Variants in UHRF1 observed in about 807,000 individuals in gnomAD.
The protein encoded by UHRF1 is ubiquitin like with PHD and ring finger domains 1, also known as E3 ubiquitin-protein ligase UHRF1.
UHRF1 carries 9 observed loss-of-function variants against 96.5 expected under a neutral mutation model. The observed-to-expected ratio is 0.09, with a 90% CI of 0.06 to 0.16. The LOEUF (loss-of-function observed/expected upper bound fraction) is 0.16. Among genes scored for constraint, UHRF1 ranks in the 10% least tolerant of loss-of-function variants. UHRF1 has a pLI of 1.00. For synonymous variants in UHRF1, 455 were observed against 469.9 expected (o/e 0.97, Z 0.41); for missense variants, 626 against 1,131.1 (o/e 0.55, Z 6.40).
chr19:4,926,105 A>G (rs2032862250), intron 2 of UHRF1, among the ~76,000 whole-genome samples: 1 of 151,308 alleles, frequency 6.6e-6, no homozygotes. Flanking sequence ...CATGTTGGCC[A>G]GGCTGGTCTT....
chr19:4,911,396 T>C (rs1238545868), intron 2 of UHRF1, among the ~76,000 whole-genome samples: 1 of 152,172 alleles, frequency 6.6e-6, no homozygotes, highest in Non-Finnish European at 1.5e-5. Context: ...GACCATCTGG[T>C]AGCTAGGACG....
At chr19:4,943,127 C>G (rs182377704) in intron 7 of UHRF1, among the ~76,000 whole-genome samples, 3 of 151,570 alleles carry the variant, frequency 2.0e-5, no homozygotes, top group African/African-American at 7.3e-5. Flanking sequence ...GTAATCCCAG[C>G]TACTCGGGAG....
chr19:4,905,281 T>C (rs2032043689), upstream of UHRF1, among the ~76,000 whole-genome samples: 1 of 150,312 alleles, frequency 6.7e-6, no homozygotes, highest in Admixed American at 6.7e-5. Flanking sequence ...CATGCCCGGC[T>C]AATTTTTTTT....
chr19:4,925,654 T>G (rs2032844369), intron 2 of UHRF1, among the ~76,000 whole-genome samples: 1 of 152,024 alleles, frequency 6.6e-6, no homozygotes, highest in African/African-American at 2.4e-5. Context: ...CTGGAGTAGC[T>G]AGGATTACAG....
intron 2 of UHRF1, among the ~76,000 whole-genome samples, chr19:4,919,592 G>A (rs553716875): frequency 7.2e-5 from 11 of 151,922 alleles, no homozygotes; most frequent in South Asian, 2.1e-4. Flanking sequence ...GTGAGCCACC[G>A]CGCCTAGCCC....
At chr19:4,939,210 AC>A (rs2033310684) in intron 5 of UHRF1, among the ~76,000 whole-genome samples, 1 of 129,708 alleles carries the variant, frequency 7.7e-6, no homozygotes, top group Non-Finnish European at 1.6e-5. Context: ...GAGCCACTGC[AC>A]CCGGCCATTT....
chr19:4,905,886 T>C (rs190073908), upstream of UHRF1, among the ~76,000 whole-genome samples: 34 of 152,308 alleles, frequency 2.2e-4, no homozygotes, highest in East Asian at 6.2e-3. Context: ...AGCCAAAAGA[T>C]TGGACACCCC....
intron 5 of UHRF1, among the ~76,000 whole-genome samples, chr19:4,938,618 C>A (rs2033285251): frequency 6.6e-6 from 1 of 151,164 alleles, no homozygotes; most frequent in African/African-American, 2.4e-5. Flanking sequence ...ACCCCCAGAT[C>A]CTGGCTTCAA....
intron 5 of UHRF1, among the ~76,000 whole-genome samples, chr19:4,934,900 G>C (rs573001347): frequency 2.0e-5 from 3 of 152,202 alleles, no homozygotes; most frequent in Admixed American, 6.5e-5. Context: ...TCTCTGCTAG[G>C]CGCATTTCTG....
chr19:4,917,077 G>GGT (rs1167695326), intron 2 of UHRF1, among the ~76,000 whole-genome samples: 32 of 151,652 alleles, frequency 2.1e-4, no homozygotes, highest in African/African-American at 7.7e-4. Context: ...CGGTGGGGGG[G>GGT]GGGGGTGCAG....
At chr19:4,922,640 T>C (rs529970696) in intron 2 of UHRF1, among the ~76,000 whole-genome samples, 3 of 152,330 alleles carry the variant, frequency 2.0e-5, no homozygotes, top group East Asian at 1.9e-4. Context: ...AACTTAACAA[T>C]AACTAAGCTT....
rs138958433 is a variant in UHRF1 at position 4,913,225 on chromosome 19, G to T, written c.153+2187G>T. Among the ~76,000 whole-genome samples the T allele has an allele frequency of 2.0e-4, 29 of 145,844 alleles. 1 individual carries two copies. Among genetic ancestry groups the T allele is most frequent in the African/African-American group, 7.2e-4 (28 of 39,020 alleles). The stretch of plus-strand genomic sequence containing the variant: ...TTTAGTGTGACAATGACAGGAACAC[G>T]TATGTTAATTAGACATGTACATTGT... On this transcript the variant is annotated intron_variant, in intron 2 of 16. Transcript: ENST00000650932.
chr19:4,931,709 C>T (rs557414507), intron 4 of UHRF1, among the ~76,000 whole-genome samples: 28 of 151,928 alleles, frequency 1.8e-4, no homozygotes, highest in South Asian at 1.0e-3. Context: ...CCTCGTGTTC[C>T]GCCCGCCTCA....
chr19:4,959,603 C>T (rs1207172704), intron 16 of UHRF1, among the ~76,000 whole-genome samples: 2 of 152,244 alleles, frequency 1.3e-5, no homozygotes, highest in African/African-American at 2.4e-5. Context: ...GCTTTCTTCC[C>T]CAGGCACGAC....
rs985069179 is a variant in UHRF1, at chr19:4,947,490, C to CTTTT, written c.1517+305_1517+308dup. ...CTATAAAAGGCCAGATAATAGATAT[C>CTTTT]TTTTTTTTTTTTTTTTTTTTTTTTT... is the stretch of plus-strand genomic sequence containing the variant. On this transcript the variant is annotated intron_variant, in intron 11 of 16. Coordinates refer to ENST00000650932, the MANE Select transcript of UHRF1 (RefSeq NM_001048201.3). 9.0e-3 allele frequency among the ~76,000 whole-genome samples: 522 copies of CTTTT among 57,880 alleles called. 87 individuals are homozygous for CTTTT. Among genetic ancestry groups the CTTTT allele is most frequent in the East Asian group, 0.042 (65 of 1,562 alleles). The allele number at this position is 57,880 out of a possible 152,430, so 38.0% of individuals were successfully genotyped here. A position where few individuals can be genotyped will look rare whatever the true frequency, so the allele number is the denominator to read the frequency against.
rs563992695 is a variant in UHRF1 at position 4,954,202 on chromosome 19, A to G, written c.1819-148A>G. ...GTCACTGAAACCTCAGCAAAACTAG[A>G]TAAGGGAGGACTACCCTGTGCTCTT... On this transcript the variant is annotated intron_variant, in intron 13 of 16. Transcript: ENST00000650932. This position sits in a 1 kb window ranked among gnomAD's most constrained non-coding sequence, Gnocchi z 5.9. The G allele has an allele frequency of 2.3e-5, 28 of 1,197,086 alleles. No homozygotes were observed. The African/African-American group carries it at 3.8e-4, about 16-fold the overall frequency. 74.2% of individuals were successfully genotyped at this position (1,197,086 alleles called of 1,614,324 possible). A position where few individuals can be genotyped will look rare whatever the true frequency, so the allele number is the denominator to read the frequency against.
chr19:4,916,008 G>A (rs1236000768), intron 2 of UHRF1, among the ~76,000 whole-genome samples: 1 of 152,100 alleles, frequency 6.6e-6, no homozygotes, highest in Non-Finnish European at 1.5e-5. Flanking sequence ...TCTGCCGGCT[G>A]TTAGTGTGTT....
chr19:4,935,936 C>T (rs1200346042), intron 5 of UHRF1, among the ~76,000 whole-genome samples: 2 of 152,206 alleles, frequency 1.3e-5, no homozygotes, highest in African/African-American at 2.4e-5. Context: ...CGGGCTTCCT[C>T]CACCTCAGTC....
intron 2 of UHRF1, among the ~76,000 whole-genome samples, chr19:4,924,103 A>G (rs571031618): frequency 1.8e-4 from 27 of 152,268 alleles, no homozygotes; most frequent in African/African-American, 6.5e-4. Flanking sequence ...AGTATTTGGG[A>G]TTACAGGCAC....
Sources: allele counts gnomAD v4.1 joint callset (sites outside exome capture counted in the v4.1 genomes callset), GRCh38; gene constraint gnomAD v4.1.1; non-coding constraint Gnocchi (gnomAD v3.1); transcripts MANE v1.5; gene names NCBI Gene and HGNC (gene_info 2026-07-23, HGNC 2026-07-21).